KLHL13: variants seen among roughly 807,000 people sequenced by gnomAD.
The protein encoded by KLHL13 is kelch like family member 13.
In KLHL13, 10 loss-of-function variants were observed where a neutral mutation model predicts 37.1. The observed-to-expected ratio is 0.27, with a 90% confidence interval of 0.17 to 0.46. The LOEUF (loss-of-function observed/expected upper bound fraction) is 0.46. Ranked by LOEUF, KLHL13 falls within the 20% of genes least tolerant of loss-of-function variation. The pLI is 1.00. For missense variants in KLHL13, 360 were observed against 509.3 expected, an observed-to-expected ratio of 0.71 and a Z score of 2.82; for synonymous variants, 163 against 181.2, an observed-to-expected ratio of 0.90 and a Z score of 0.81.
intron 1 of KLHL13, among the ~76,000 whole-genome samples, chrX:118,053,476 A>T (rs895757206): frequency 1.8e-5 from 2 of 109,410 alleles, no homozygotes; most frequent in Non-Finnish European, 3.8e-5. Flanking sequence ...AACATCACAC[A>T]CTGGGGCCTG....
intron 6 of KLHL13, 38 bp downstream of exon 7, chrX:117,901,795 C>A: frequency 4.4e-6 from 3 of 674,346 alleles, no homozygotes; most frequent in Non-Finnish European, 7.0e-6. Context: ...TAGTTAAAAG[C>A]TTATATATTA....
intron 1 of KLHL13, among the ~76,000 whole-genome samples, chrX:117,990,985 G>A (rs1037247248): frequency 5.4e-5 from 6 of 110,579 alleles, no homozygotes; most frequent in African/African-American, 2.0e-4. Flanking sequence ...AAAGGGAAGA[G>A]CTTATCTACA....
intron 2 of KLHL13, among the ~76,000 whole-genome samples, chrX:117,923,641 A>G (rs1487299223): frequency 9.0e-6 from 1 of 111,719 alleles, no homozygotes; most frequent in Non-Finnish European, 1.9e-5. Context: ...TTCCATTCCT[A>G]CTACATATTA....
Position 118,023,432 on chromosome X carries a change from A to G in KLHL13, c.-55-77857T>C, listed in dbSNP as rs377050599. ...TTTCTATTCTTAAAAGGAGCATGTA[A>G]TTGTTTTCAAACACCTTTGGATTTT... is the stretch of plus-strand genomic sequence containing the variant. On this transcript the variant is annotated intron_variant, in intron 1 of 6. Transcript: ENST00000371882. Among the ~76,000 whole-genome samples the G allele has an allele frequency of 2.7e-5, 3 of 111,394 alleles. No individual in the cohort carries two copies. The South Asian group carries it at 1.1e-3, about 42-fold the overall frequency.
At chrX:117,909,485 A>G (rs775990241) in exon 5 of KLHL13, 3 of 1,211,696 alleles carry the variant, frequency 2.5e-6, no homozygotes, top group East Asian at 3.0e-5. Context: ...TCTGTCCGCC[A>G]ACCACATAGA....
In KLHL13 at chrX:117,898,792, C is replaced by T. The variant is rs756352610; in HGVS notation, c.*116G>A. 9.6e-5 allele frequency: 78 copies of T among 814,200 alleles called. 1 individual carries two copies. Among genetic ancestry groups the T allele is most frequent in the Non-Finnish European group, 1.3e-4 (73 of 575,821 alleles). The allele number at this position is 814,200 out of a possible 1,213,427, so 67.1% of individuals were successfully genotyped here. ...ATCAATGTTGTCTTTTTTCCAATAT[C>T]TGTATCAATTACCAGAGGGTAATCC... On this transcript the variant is annotated 3_prime_UTR_variant, in exon 7 of 7. Coordinates refer to ENST00000262820, the Ensembl canonical transcript of KLHL13.
intron 1 of KLHL13, among the ~76,000 whole-genome samples, chrX:118,107,111 T>C (rs917347673): frequency 8.9e-6 from 1 of 112,219 alleles, no homozygotes; most frequent in African/African-American, 3.2e-5. Context: ...CCAAATGTTT[T>C]CATGTTTAAA....
At chrX:117,935,785 G>A (rs960857815) in intron 2 of KLHL13, among the ~76,000 whole-genome samples, 8 of 110,884 alleles carry the variant, frequency 7.2e-5, no homozygotes, top group African/African-American at 2.6e-4. Context: ...AATTTGACAC[G>A]AGATTTAGGT....
At chrX:118,068,171 A>G in intron 1 of KLHL13, among the ~76,000 whole-genome samples, 1 of 111,360 alleles carries the variant, frequency 9.0e-6, no homozygotes, top group Non-Finnish European at 1.9e-5. Context: ...ACACATGACT[A>G]TAATATCGCA....
chrX:118,105,701 G>A (rs758300817), intron 1 of KLHL13, among the ~76,000 whole-genome samples: 19 of 111,780 alleles, frequency 1.7e-4, no homozygotes, highest in Non-Finnish European at 2.8e-4. Flanking sequence ...AGTGCTTTAC[G>A]TATAATTGCT....
chrX:118,101,361 G>C (rs987977291), intron 1 of KLHL13, among the ~76,000 whole-genome samples: 2 of 111,299 alleles, frequency 1.8e-5, no homozygotes, highest in Non-Finnish European at 3.8e-5. Context: ...CTCTGGAGCA[G>C]GTATCATGAC....
intron 1 of KLHL13, among the ~76,000 whole-genome samples, chrX:118,108,742 T>C (rs2055373051): frequency 8.9e-6 from 1 of 112,411 alleles, no homozygotes; most frequent in South Asian, 3.7e-4. Context: ...TTTGACACCA[T>C]GAACTGTGCT....
At chrX:117,972,967 C>A in exon 1 of KLHL13, 2 of 1,077,786 alleles carry the variant, frequency 1.9e-6, no homozygotes, top group Non-Finnish European at 1.2e-6. Flanking sequence ...TGCCCTTAAA[C>A]CGATGCTTCC....
intron 2 of KLHL13, among the ~76,000 whole-genome samples, chrX:117,933,331 A>G (rs1270769329): frequency 9.0e-6 from 1 of 111,619 alleles, no homozygotes; most frequent in Non-Finnish European, 1.9e-5. Flanking sequence ...CCAATGGGAC[A>G]GAACAGAGAA....
intron 2 of KLHL13, among the ~76,000 whole-genome samples, chrX:117,941,933 C>T (rs1933058435): frequency 9.0e-6 from 1 of 111,427 alleles, no homozygotes. Context: ...GTTAGGGTGT[C>T]TATTTTAGCT....
At chrX:117,915,003 G>C (rs942548450) in intron 4 of KLHL13, among the ~76,000 whole-genome samples, 3 of 111,645 alleles carry the variant, frequency 2.7e-5, no homozygotes, top group Non-Finnish European at 3.8e-5. Flanking sequence ...TAAGCAACGG[G>C]GATGGCCTTC....
intron 1 of KLHL13, among the ~76,000 whole-genome samples, chrX:118,020,604 A>G (rs1166499814): frequency 9.0e-6 from 1 of 110,897 alleles, no homozygotes; most frequent in African/African-American, 3.3e-5. Flanking sequence ...GGGATCTAGA[A>G]CTAGAAATAC....
chrX:118,063,091 G>T (rs768155802), intron 1 of KLHL13, among the ~76,000 whole-genome samples: 2 of 111,575 alleles, frequency 1.8e-5, no homozygotes, highest in Non-Finnish European at 3.8e-5. Flanking sequence ...GTTAAGGGAT[G>T]ATCTAAATAG....
At chrX:117,928,248 G>C (rs1932196614) in intron 2 of KLHL13, among the ~76,000 whole-genome samples, 1 of 111,551 alleles carries the variant, frequency 9.0e-6, no homozygotes, top group Admixed American at 9.5e-5. Context: ...ATTATAATTG[G>C]AGATTTCAAT....
Sources: gnomAD v4.1 joint callset for allele counts (sites outside exome capture counted in the v4.1 genomes callset) on GRCh38, gnomAD v4.1.1 for gene constraint, MANE v1.5 for transcripts, NCBI Gene and HGNC (gene_info 2026-07-23, HGNC 2026-07-21) for gene names.